Variants in TLE2 observed in about 807,000 individuals in gnomAD.
The protein encoded by TLE2 is transducin-like enhancer protein 2.
A neutral mutation model predicts 97.2 loss-of-function variants in TLE2; 74 were observed. That is an observed-to-expected ratio of 0.76 (90% CI 0.63 to 0.92). The LOEUF is 0.92. Among genes scored for constraint, TLE2 ranks in the 40% least tolerant of loss-of-function variants. The pLI is 0.00. For synonymous variants in TLE2, 499 were observed against 432.1 expected, an observed-to-expected ratio of 1.15 and a Z score of -1.92; for missense variants, 1,038 against 1,008.7, an observed-to-expected ratio of 1.03 and a Z score of -0.39.
Position 2,997,679 on chromosome 19 carries a change from T to C in TLE2, c.*169A>G. On this transcript the variant is annotated 3_prime_UTR_variant, in exon 20 of 20. Coordinates refer to ENST00000262953, the MANE Select transcript of TLE2 (RefSeq NM_003260.5). ...ACATTTTATTTCCACCGAGGTCCCC[T>C]GCCCATCGGCCCCCACATGCAGCAG... is the stretch of plus-strand genomic sequence containing the variant. 2 of 592,098 alleles carry C rather than the reference T, an allele frequency of 3.4e-6. No homozygotes were observed. The highest frequency in any genetic ancestry group is 6.1e-6 in the Non-Finnish European group (2 of 326,494). The allele number at this position is 592,098 out of a possible 1,614,324, so 36.7% of individuals were successfully genotyped here.
chr19:3,006,907 C>T (rs542687176), intron 14 of TLE2, among the ~76,000 whole-genome samples: 10 of 152,212 alleles, frequency 6.6e-5, no homozygotes, highest in Middle Eastern at 3.4e-3. Context: ...CTCAACCTCC[C>T]GAGTAGCTGG....
Position 3,014,640 on chromosome 19 carries a change from C to T in TLE2, c.679-26G>A, listed in dbSNP as rs780460373. The T allele has an allele frequency of 7.0e-6, 11 of 1,579,812 alleles. No homozygotes were observed. In the African/African-American group the frequency reaches 1.1e-4, roughly 16 times the overall value. The stretch of plus-strand genomic sequence containing the variant: ...CTGGGGGAAGATGGGGGAGAGAGCT[C>T]ATTGTGGTCATGCCCCTGCCTCCAC... On this transcript the variant is annotated intron_variant, in intron 9 of 19. Coordinates refer to ENST00000262953, the MANE Select transcript of TLE2 (RefSeq NM_003260.5).
intron 13 of TLE2, 80 bp downstream of exon 13, chr19:3,009,462 C>T (rs992109710): frequency 1.4e-6 from 2 of 1,462,128 alleles, no homozygotes; most frequent in African/African-American, 1.4e-5. Context: ...CTTGTCTCTC[C>T]TTGTGTAGTT....
At chr19:3,005,652 C>G in intron 16 of TLE2, 68 bp from the exon 17 acceptor site, 1 of 1,606,978 alleles carries the variant, frequency 6.2e-7, no homozygotes, top group Non-Finnish European at 8.5e-7. Flanking sequence ...CCAGGTCACA[C>G]TCCTCCACTC....
upstream of TLE2, among the ~76,000 whole-genome samples, chr19:3,047,214 G>A (rs572312826): frequency 8.6e-6 from 1 of 116,956 alleles, no homozygotes; most frequent in South Asian, 3.4e-4. Flanking sequence ...GCCGCGGCGC[G>A]GGGCCCATTA....
intron 11 of TLE2, among the ~76,000 whole-genome samples, chr19:3,013,003 G>A (rs1796223217): frequency 6.6e-6 from 1 of 152,154 alleles, no homozygotes. Flanking sequence ...GATGGAATGG[G>A]AGCCCCAACC....
upstream of TLE2, among the ~76,000 whole-genome samples, chr19:3,030,976 C>CAAATTT (rs2090019825): frequency 1.4e-5 from 2 of 147,124 alleles, no homozygotes; most frequent in East Asian, 4.0e-4. Flanking sequence ...AAGCCCTTAT[C>CAAATTT]AAATTTAAAG....
chr19:2,999,845 C>A (rs1394701062), intron 19 of TLE2, among the ~76,000 whole-genome samples: 1 of 149,600 alleles, frequency 6.7e-6, no homozygotes, highest in Non-Finnish European at 1.5e-5. Flanking sequence ...CCAGCCTAGA[C>A]AACATGGTGA....
At chr19:3,047,006 C>G (rs1363446210), upstream of TLE2, among the ~76,000 whole-genome samples, 1 of 90,218 alleles carries the variant, frequency 1.1e-5, no homozygotes, top group Non-Finnish European at 2.3e-5. Flanking sequence ...CTGCTATTTT[C>G]TCTCCCTCCT....
At chr19:3,014,498 C>G (rs2089660152) in intron 10 of TLE2, 72 bp downstream of exon 10, 1 of 1,372,164 alleles carries the variant, frequency 7.3e-7, no homozygotes, top group Non-Finnish European at 9.7e-7. Context: ...ACCTCTGGGT[C>G]CTCCCAGTCC....
chr19:3,024,445 C>T (rs1168202099), intron 5 of TLE2, among the ~76,000 whole-genome samples: 2 of 152,054 alleles, frequency 1.3e-5, no homozygotes, highest in Non-Finnish European at 2.9e-5. Context: ...ATAAAACTCT[C>T]ACTCCCCGTC....
At position 3,001,352 on chromosome 19, in the gene TLE2, C is replaced by T. The variant is rs148697240; in HGVS notation, c.2048-629G>A. ...CTGGTCTCAAACTCCTGGCCTCAAG[C>T]GATCCTCCCACCGTGGTCTACCAAA... On this transcript the variant is annotated intron_variant, in intron 18 of 19. Transcript: ENST00000262953. 3.0e-4 allele frequency among the ~76,000 whole-genome samples: 45 copies of T among 152,112 alleles called. No individual in the cohort carries two copies. The East Asian group carries it at 8.1e-3, about 27-fold the overall frequency.
intron 5 of TLE2, among the ~76,000 whole-genome samples, chr19:3,024,422 A>T (rs895898184): frequency 6.6e-6 from 1 of 151,850 alleles, no homozygotes; most frequent in Non-Finnish European, 1.5e-5. Context: ...TCCCAAACTG[A>T]ATTTCTGTCC....
intron 9 of TLE2, among the ~76,000 whole-genome samples, chr19:3,015,075 AG>A (rs960555771): frequency 1.5e-5 from 2 of 137,158 alleles, no homozygotes; most frequent in African/African-American, 5.2e-5. Context: ...AAAAAAAAAA[AG>A]CTATTAGGTA....
chr19:3,031,706 G>C (rs957082984), upstream of TLE2, among the ~76,000 whole-genome samples: 40 of 152,150 alleles, frequency 2.6e-4, no homozygotes, highest in African/African-American at 8.7e-4. Flanking sequence ...CTCACACCAG[G>C]CACAGTCCAG....
chr19:3,037,242 G>A (rs974173155), intron 1 of TLE2, among the ~76,000 whole-genome samples: 2 of 152,184 alleles, frequency 1.3e-5, no homozygotes, highest in African/African-American at 2.4e-5. Context: ...CCGAGTTCGC[G>A]CCACTGCACT....
intron 1 of TLE2, 39 bp from the exon 2 acceptor site, chr19:3,028,842 C>G: frequency 6.2e-7 from 1 of 1,611,900 alleles, no homozygotes; most frequent in East Asian, 2.2e-5. Context: ...GTCTGAGTTC[C>G]CGGACACTGG....
chr19:3,013,662 T>C lies in TLE2; in HGVS notation c.873+7A>G. ...AGTGAGTTTCAAGGCCCTCCCCTCCTCCTTACCAGGATGAGCTCCTTGGCT... is the reference window on the plus strand; with the variant it reads ...AGTGAGTTTCAAGGCCCTCCCCTCCCCCTTACCAGGATGAGCTCCTTGGCT... On this transcript the variant is annotated splice_region_variant and intron_variant, in intron 11 of 19. Transcript: ENST00000262953. The C allele has an allele frequency of 7.3e-7, 1 of 1,371,864 alleles. No homozygotes were observed. The highest frequency in any genetic ancestry group is 9.5e-7 in the Non-Finnish European group (1 of 1,052,868). The allele number at this position is 1,371,864 out of a possible 1,614,324, so 85.0% of individuals were successfully genotyped here.
intron 1 of TLE2, among the ~76,000 whole-genome samples, chr19:3,036,429 C>G (rs973219191): frequency 6.6e-6 from 1 of 152,236 alleles, no homozygotes; most frequent in Non-Finnish European, 1.5e-5. Flanking sequence ...CCCATTGATC[C>G]GACCCGGGCC....
Sources: gnomAD v4.1 joint callset for allele counts (sites outside exome capture counted in the v4.1 genomes callset) on GRCh38, gnomAD v4.1.1 for gene constraint, MANE v1.5 for transcripts, NCBI Gene and HGNC (gene_info 2026-07-23, HGNC 2026-07-21) for gene names.